NID2: variants seen among roughly 807,000 people sequenced by gnomAD.
NID2 encodes nidogen 2, also known as nidogen-2.
Under a neutral mutation model 145.4 loss-of-function variants are expected in NID2, and 83 were observed. The ratio of observed to expected loss-of-function variants is 0.57; its 90% CI spans 0.48 to 0.69. The LOEUF is 0.69. Ranked by LOEUF, NID2 falls within the 30% of genes least tolerant of loss-of-function variation. The pLI, the probability that NID2 is intolerant of heterozygous loss-of-function variation, is 0.00. For missense variants in NID2, 1,807 were observed against 1,765.7 expected (o/e 1.02, Z -0.42); for synonymous variants, 739 against 701.3 (o/e 1.05, Z -0.85).
intron 21 of NID2, 105 bp from the exon 22 acceptor site, chr14:52,005,601 G>A (rs1890742913): frequency 6.8e-7 from 1 of 1,477,698 alleles, no homozygotes; most frequent in African/African-American, 1.4e-5. Context: ...GTAGATTTAA[G>A]GTAGTAAAGA....
chr14:52,005,081 G>GGATTATATTGTTA lies in NID2; in HGVS notation c.*392_*404dup, dbSNP rs1890705918. 1 of 164,628 alleles carries GGATTATATTGTTA rather than the reference G, an allele frequency of 6.1e-6. No individual in the cohort carries two copies. Among genetic ancestry groups the GGATTATATTGTTA allele is most frequent in the East Asian group, 1.8e-4 (1 of 5,682 alleles). 10.2% of individuals were successfully genotyped at this position (164,628 alleles called of 1,614,324 possible). ...TGGCTTCTCCAACTGTCAAGGTTTA[G>GGATTATATTGTTA]GATTATATTGTTATATTGATCACAT... On this transcript the variant is annotated 3_prime_UTR_variant, in exon 22 of 22. Coordinates refer to ENST00000216286, the MANE Select transcript of NID2 (RefSeq NM_007361.4).
chr14:52,027,286 C>G lies in NID2; in HGVS notation c.2589G>C (p.Gly863=). 1 of 1,595,784 alleles carries G rather than the reference C, an allele frequency of 6.3e-7. No homozygotes were observed. Among genetic ancestry groups the G allele is most frequent in the Non-Finnish European group, 8.5e-7 (1 of 1,172,078 alleles). ...EDGSHTCAPA[G]QARCVHHGGS... is the part of the protein sequence containing the mutation. ...CTCCATGGTGAACACACCGGGCCTG[C>G]CCAGCAGGAGCACAGGTATGACTGC... Residue 863 remains glycine, a synonymous_variant, in exon 12 of 22, where the codon GGG becomes GGC. Coordinates refer to ENST00000216286, the MANE Select transcript of NID2 (RefSeq NM_007361.4).
intron 12 of NID2, among the ~76,000 whole-genome samples, chr14:52,024,204 C>A (rs1891499437): frequency 1.3e-5 from 2 of 152,144 alleles, no homozygotes; most frequent in African/African-American, 4.8e-5. Flanking sequence ...CCCAACAGTC[C>A]CTACCTAGTG....
chr14:52,013,408 T>C (rs1420618736), intron 16 of NID2, among the ~76,000 whole-genome samples: 2 of 152,220 alleles, frequency 1.3e-5, no homozygotes, highest in Admixed American at 6.5e-5. Context: ...AACTCGAATC[T>C]TAAAAAGAAC....
intron 16 of NID2, 180 bp from the exon 17 acceptor site, chr14:52,011,863 AG>A: frequency 1.5e-6 from 1 of 678,248 alleles, no homozygotes; most frequent in Non-Finnish European, 2.5e-6. Context: ...GCCACTTAGT[AG>A]CCATGTGGCT....
At position 52,005,747 on chromosome 14, in the gene NID2, G is replaced by A. The variant is rs1456600013; in HGVS notation, c.4107C>T (p.Tyr1369=). The A allele has an allele frequency of 2.5e-6, 4 of 1,612,386 alleles. No individual in the cohort carries two copies. The highest frequency in any genetic ancestry group is 1.1e-5 in the South Asian group (1 of 91,050). The stretch of plus-strand genomic sequence containing the variant: ...AAGCATACTTTTTACCTGTTGGGCA[G>A]TAGGGGTAGACTGCAGTTATCCCGT... ...HLYGITAVYP[Y]CPTGRK Residue 1369 remains tyrosine (Y), a synonymous_variant, in exon 21 of 22, where the codon TAC becomes TAT. Coordinates refer to ENST00000216286, the MANE Select transcript of NID2 (RefSeq NM_007361.4).
chr14:52,045,128 G>A (rs74049379), intron 5 of NID2, among the ~76,000 whole-genome samples: 6,746 of 152,152 alleles, frequency 0.044, 181 homozygotes, highest in Middle Eastern at 0.078. Context: ...CCACATGTCT[G>A]GGGTTAATCA....
chr14:52,010,437 G>A (rs1364213380), intron 18 of NID2: 1 of 156,248 alleles, frequency 6.4e-6, no homozygotes, highest in African/African-American at 2.4e-5. Flanking sequence ...GAAGCCAGAG[G>A]TGTCTGAGCT....
At chr14:52,062,090 C>T (rs1893035385) in intron 2 of NID2, among the ~76,000 whole-genome samples, 1 of 152,198 alleles carries the variant, frequency 6.6e-6, no homozygotes. Flanking sequence ...TCTACTCCCA[C>T]AGTTGTTCTA....
intron 2 of NID2, among the ~76,000 whole-genome samples, 155 bp from the exon 3 acceptor site, chr14:52,060,511 A>T (rs1460917953): frequency 6.6e-6 from 1 of 152,228 alleles, no homozygotes; most frequent in Non-Finnish European, 1.5e-5. Flanking sequence ...TTTAAACATA[A>T]CCTTCTTTAA....
chr14:52,005,890 T>A, intron 20 of NID2, 41 bp from the exon 21 acceptor site: 1 of 1,434,332 alleles, frequency 7.0e-7, no homozygotes, highest in East Asian at 2.3e-5. Context: ...GACAGTCATT[T>A]ACTAGATAAA....
rs1892179219 is a variant in NID2, at chr14:52,038,994, G to T, written c.2027-17C>A. 1.3e-6 allele frequency: 2 copies of T among 1,535,112 alleles called. No homozygotes were observed. The highest frequency in any genetic ancestry group is 8.9e-7 in the Non-Finnish European group (1 of 1,129,134). On this transcript the variant is annotated splice_polypyrimidine_tract_variant and intron_variant, in intron 8 of 21. Transcript: ENST00000216286. Reference sequence around the variant, plus strand: ...AGGTCACAGCTGCAACAAACACAGTGGTAATTTTTTAAAAATATTAAATAC... The same window carrying T: ...AGGTCACAGCTGCAACAAACACAGTTGTAATTTTTTAAAAATATTAAATAC...
At chr14:52,021,561 T>G (rs1891401853) in intron 12 of NID2, among the ~76,000 whole-genome samples, 1 of 152,234 alleles carries the variant, frequency 6.6e-6, no homozygotes, top group African/African-American at 2.4e-5. Context: ...GAGGAATCTC[T>G]TATGTTATAA....
intron 3 of NID2, among the ~76,000 whole-genome samples, chr14:52,059,276 C>T (rs1012636589): frequency 2.0e-5 from 3 of 152,106 alleles, no homozygotes; most frequent in African/African-American, 2.4e-5. Flanking sequence ...TTCTGGTAGC[C>T]GAGCAGAGTG....
intron 15 of NID2, 121 bp downstream of exon 15, chr14:52,014,931 CAT>C: frequency 1.3e-6 from 1 of 786,868 alleles, no homozygotes; most frequent in Non-Finnish European, 2.1e-6. Flanking sequence ...CAACATAGCA[CAT>C]AGTGACTTCT....
At chr14:52,042,751 C>A (rs753028420) in intron 6 of NID2, 31 bp downstream of exon 6, 12 of 1,610,422 alleles carry the variant, frequency 7.5e-6, no homozygotes, top group Non-Finnish European at 1.0e-5. Flanking sequence ...CAGGAATAGA[C>A]ACACAGGAGT....
Position 52,068,773 on chromosome 14 carries a change from G to A in NID2, c.222C>T (p.Asn74=), listed in dbSNP as rs745609012. ...AGGAGGGGGCTGAACTTACGTAGAG[G>A]TTGCTGAATCGGGCTTCGTAGAAGT... The part of the protein sequence containing the change: ...PLHFYEARFS[N]LYVGTNGIIS... The change falls in exon 1 of 22, where the codon AAC becomes AAT. Residue 74 remains asparagine, a synonymous_variant. Coordinates refer to ENST00000216286, the MANE Select transcript of NID2 (RefSeq NM_007361.4). The A allele has an allele frequency of 2.5e-6, 4 of 1,603,042 alleles. No homozygotes were observed. Among genetic ancestry groups the A allele is most frequent in the Non-Finnish European group, 3.4e-6 (4 of 1,179,068 alleles).
At position 52,045,130 on chromosome 14, in the gene NID2, G is replaced by A. The variant is rs116725439; in HGVS notation, c.1430-2199C>T. ...AGATTAGGGGTCACCACATGTCTGG[G>A]GTTAATCAGCACAGACTTCAAGTAT... On this transcript the variant is annotated intron_variant, in intron 5 of 21. Coordinates refer to ENST00000216286, the MANE Select transcript of NID2 (RefSeq NM_007361.4). Among the ~76,000 whole-genome samples, 783 of 152,194 alleles carry A rather than the reference G, an allele frequency of 5.1e-3. 5 individuals carry two copies. The highest frequency in any genetic ancestry group is 0.017 in the African/African-American group (714 of 41,508).
intron 5 of NID2, among the ~76,000 whole-genome samples, chr14:52,045,092 G>A (rs1892439495): frequency 6.6e-6 from 1 of 152,152 alleles, no homozygotes; most frequent in South Asian, 2.1e-4. Flanking sequence ...CAAGTACGGA[G>A]ATCATGAGCA....
Sources: allele counts gnomAD v4.1 joint callset (sites outside exome capture counted in the v4.1 genomes callset), GRCh38; gene constraint gnomAD v4.1.1; transcripts MANE v1.5; gene names NCBI Gene and HGNC (gene_info 2026-07-23, HGNC 2026-07-21).